Variants in JAZF1 observed in about 807,000 individuals in gnomAD.
The protein encoded by JAZF1 is JAZF zinc finger 1, also known as juxtaposed with another zinc finger protein 1.
JAZF1 carries 8 observed loss-of-function variants against 26.4 expected under a neutral mutation model. The observed-to-expected ratio is 0.30, with a 90% CI of 0.18 to 0.55. The LOEUF (loss-of-function observed/expected upper bound fraction) is 0.55, where lower values mean the gene tolerates loss of function less well. Ranked by LOEUF, JAZF1 falls within the 20% of genes least tolerant of loss-of-function variation. The pLI is 0.94. For synonymous variants in JAZF1, 126 were observed against 122.3 expected (o/e 1.03, Z -0.20); for missense variants, 199 against 322.0 (o/e 0.62, Z 2.92).
chr7:27,849,819 G>T (rs370583335), intron 3 of JAZF1, among the ~76,000 whole-genome samples: 1 of 130,948 alleles, frequency 7.6e-6, no homozygotes, highest in African/African-American at 3.4e-5. Flanking sequence ...AGCCCACATC[G>T]CCATCCAGGG....
At chr7:28,126,003 C>G (rs1211642590) in intron 1 of JAZF1, among the ~76,000 whole-genome samples, 3 of 152,104 alleles carry the variant, frequency 2.0e-5, no homozygotes, top group Admixed American at 6.5e-5. Flanking sequence ...TCCAAGCAAA[C>G]AAATTCCCTA....
chr7:27,928,680 C>T (rs770556735), intron 2 of JAZF1, among the ~76,000 whole-genome samples: 3 of 152,118 alleles, frequency 2.0e-5, no homozygotes, highest in Non-Finnish European at 2.9e-5. Flanking sequence ...AGCAAAGTAA[C>T]GCATGAACAT....
intron 1 of JAZF1, among the ~76,000 whole-genome samples, chr7:28,011,336 A>G (rs1454127940): frequency 6.6e-6 from 1 of 152,176 alleles, no homozygotes; most frequent in Non-Finnish European, 1.5e-5. Context: ...CTAGGTTTAA[A>G]CTTTTGAGTT....
intron 3 of JAZF1, among the ~76,000 whole-genome samples, chr7:27,847,129 A>G (rs1583427747): frequency 6.8e-6 from 1 of 147,268 alleles, no homozygotes; most frequent in African/African-American, 2.5e-5. Context: ...ACAGGCATGC[A>G]CCACCCCGCC....
intron 2 of JAZF1, among the ~76,000 whole-genome samples, chr7:27,956,019 A>C (rs186366503): frequency 1.4e-4 from 21 of 152,260 alleles, no homozygotes; most frequent in Admixed American, 1.4e-3. Flanking sequence ...TTCTTCACTG[A>C]ATTAAGAAAG....
chr7:28,019,371 G>A lies in JAZF1; in HGVS notation c.116-27390C>T, dbSNP rs146606360. On this transcript the variant is annotated intron_variant, in intron 1 of 4. Coordinates refer to ENST00000283928, the MANE Select transcript of JAZF1 (RefSeq NM_175061.4). ...GGCACGTAGGGTGGCAACCTCTGCCGGCTTGGATTATGCCCCTTCTCATAT... is the reference window on the plus strand; with the variant it reads ...GGCACGTAGGGTGGCAACCTCTGCCAGCTTGGATTATGCCCCTTCTCATAT... 1.3e-3 allele frequency among the ~76,000 whole-genome samples: 205 copies of A among 152,222 alleles called. 4 individuals carry two copies. In the East Asian group the frequency reaches 0.037, roughly 27 times the overall value.
chr7:28,079,639 A>G (rs1214899781), intron 1 of JAZF1, among the ~76,000 whole-genome samples: 4 of 152,192 alleles, frequency 2.6e-5, no homozygotes, highest in Non-Finnish European at 4.4e-5. Flanking sequence ...AAATCAATAC[A>G]TGCTTGCTGA....
At chr7:28,070,537 A>G (rs1583543431) in intron 1 of JAZF1, among the ~76,000 whole-genome samples, 1 of 152,352 alleles carries the variant, frequency 6.6e-6, no homozygotes, top group East Asian at 1.9e-4. Context: ...CCATCCAGTC[A>G]CAGCAATCCC....
intron 1 of JAZF1, among the ~76,000 whole-genome samples, chr7:28,127,904 C>G (rs1007771261): frequency 6.6e-6 from 1 of 152,090 alleles, no homozygotes; most frequent in African/African-American, 2.4e-5. Flanking sequence ...TCTCATGATT[C>G]ATGAGAAGTG....
At chr7:28,067,917 G>A (rs998026034) in intron 1 of JAZF1, among the ~76,000 whole-genome samples, 38 of 151,994 alleles carry the variant, frequency 2.5e-4, no homozygotes, top group African/African-American at 8.2e-4. Flanking sequence ...AGTTTTTTTC[G>A]TTTGTTTGTT....
At chr7:27,876,487 G>A (rs911955032) in intron 3 of JAZF1, among the ~76,000 whole-genome samples, 5 of 152,014 alleles carry the variant, frequency 3.3e-5, no homozygotes, top group South Asian at 4.2e-4. Flanking sequence ...TAACACCACC[G>A]TTATCACAAC....
At chr7:27,946,862 A>C (rs897743307) in intron 2 of JAZF1, among the ~76,000 whole-genome samples, 1 of 152,220 alleles carries the variant, frequency 6.6e-6, no homozygotes, top group Non-Finnish European at 1.5e-5. Context: ...ACTTGTGTCT[A>C]CATGTTTAGT....
chr7:28,114,722 C>CT (rs1250218507), intron 1 of JAZF1, among the ~76,000 whole-genome samples: 1 of 151,210 alleles, frequency 6.6e-6, no homozygotes, highest in Non-Finnish European at 1.5e-5. Context: ...GACACAACAC[C>CT]TTTCAGGGGA....
chr7:27,918,425 A>G (rs1463721501), intron 2 of JAZF1, among the ~76,000 whole-genome samples: 2 of 152,174 alleles, frequency 1.3e-5, no homozygotes, highest in African/African-American at 4.8e-5. Context: ...ATAATTGCCC[A>G]TATATATTAG....
chr7:27,913,327 T>C, intron 2 of JAZF1: 1 of 432,140 alleles, frequency 2.3e-6, no homozygotes, highest in Non-Finnish European at 4.7e-6. Flanking sequence ...TGAGATTTTC[T>C]AACCATACAA....
At chr7:28,166,207 G>A (rs748405759) in intron 1 of JAZF1, among the ~76,000 whole-genome samples, 9 of 152,136 alleles carry the variant, frequency 5.9e-5, no homozygotes, top group Non-Finnish European at 1.2e-4. Context: ...CTGTATCAGG[G>A]CAATATATTC....
intron 1 of JAZF1, among the ~76,000 whole-genome samples, chr7:28,044,763 G>C (rs1394468092): frequency 6.6e-6 from 1 of 152,156 alleles, no homozygotes; most frequent in Non-Finnish European, 1.5e-5. Flanking sequence ...CAGTGAAAAA[G>C]GTTATAATCA....
chr7:27,979,478 T>G (rs148851874), intron 2 of JAZF1, among the ~76,000 whole-genome samples: 1 of 142,124 alleles, frequency 7.0e-6, no homozygotes, highest in African/African-American at 2.6e-5. Context: ...AGCCTTGAAC[T>G]CCTGGGCTCA....
intron 1 of JAZF1, among the ~76,000 whole-genome samples, chr7:28,075,188 T>C (rs1293831477): frequency 6.6e-6 from 1 of 152,108 alleles, no homozygotes; most frequent in Non-Finnish European, 1.5e-5. Context: ...AAAGTAAGTG[T>C]AACAGCATCT....
Sources: allele counts gnomAD v4.1 joint callset (sites outside exome capture counted in the v4.1 genomes callset), GRCh38; gene constraint gnomAD v4.1.1; transcripts MANE v1.5; gene names NCBI Gene and HGNC (gene_info 2026-07-23, HGNC 2026-07-21).